SLC17A3: variants seen among roughly 807,000 people sequenced by gnomAD.
SLC17A3 encodes the protein solute carrier family 17 member 3.
In SLC17A3, 61 loss-of-function variants were observed where a neutral mutation model predicts 60.3. That is an observed-to-expected ratio of 1.01 (90% CI 0.82 to 1.25). SLC17A3 has a LOEUF of 1.25. Ranked by LOEUF, SLC17A3 falls within the 50% of genes most tolerant of loss-of-function variation. The probability of loss-of-function intolerance (pLI) is 0.00; values close to 1 mark genes in which losing one functional copy is unlikely to be tolerated. For missense variants in SLC17A3, 624 were observed against 594.9 expected, an observed-to-expected ratio of 1.05 and a Z score of -0.51; for synonymous variants, 192 against 208.9, an observed-to-expected ratio of 0.92 and a Z score of 0.70.
chr6:25,868,393 T>C lies in SLC17A3; in HGVS notation c.-6A>G, dbSNP rs1489760017. The stretch of plus-strand genomic sequence containing the variant: ...AACTCTGTCTTGGTGGCCATTGTGT[T>C]TCTCCTCTCCTAGTGAATGGTTTTC... On this transcript the variant is annotated 5_prime_UTR_variant, in exon 2 of 13. Coordinates refer to ENST00000397060, the MANE Select transcript of SLC17A3 (RefSeq NM_001098486.2). 6.2e-7 allele frequency: 1 copy of C among 1,610,752 alleles called. No individual in the cohort carries two copies.
chr6:25,853,669 C>T (rs1019554013), intron 6 of SLC17A3, among the ~76,000 whole-genome samples: 8 of 152,048 alleles, frequency 5.3e-5, no homozygotes, highest in East Asian at 1.9e-4. Flanking sequence ...CCGCCCACCT[C>T]GGCCTCCCAA....
intron 8 of SLC17A3, 101 bp from the exon 9 acceptor site, chr6:25,850,278 C>G: frequency 7.0e-7 from 1 of 1,428,510 alleles, no homozygotes; most frequent in Non-Finnish European, 9.7e-7. Flanking sequence ...TGAAATCATA[C>G]TTTCTTAGGA....
intron 11 of SLC17A3, among the ~76,000 whole-genome samples, chr6:25,847,915 A>T (rs1765205739): frequency 6.6e-6 from 1 of 152,010 alleles, no homozygotes; most frequent in Non-Finnish European, 1.5e-5. Context: ...CTTCCCCCTG[A>T]GTCCTCAAAG....
intron 5 of SLC17A3, among the ~76,000 whole-genome samples, chr6:25,859,008 G>C (rs540229132): frequency 6.6e-6 from 1 of 152,088 alleles, no homozygotes; most frequent in Non-Finnish European, 1.5e-5. Flanking sequence ...TGTGTTTGCT[G>C]TATTATATGA....
chr6:25,859,057 C>CTTATAAGACATTAGTCAAATA (rs1765405377), intron 5 of SLC17A3, among the ~76,000 whole-genome samples: 1 of 151,916 alleles, frequency 6.6e-6, no homozygotes, highest in Non-Finnish European at 1.5e-5. Context: ...ATAAATTCAC[C>CTTATAAGACATTAGTCAAATA]TTATAAGACA....
chr6:25,847,484 C>T (rs1765197547), intron 11 of SLC17A3, among the ~76,000 whole-genome samples: 1 of 152,142 alleles, frequency 6.6e-6, no homozygotes, highest in African/African-American at 2.4e-5. Context: ...TGAGGAATCA[C>T]CACACTGCTT....
At chr6:25,847,874 T>C (rs1279253214) in intron 11 of SLC17A3, among the ~76,000 whole-genome samples, 1 of 152,286 alleles carries the variant, frequency 6.6e-6, no homozygotes, top group Admixed American at 6.5e-5. Flanking sequence ...ACCGGATTTG[T>C]AGTCTTTTAA....
rs1332407681 is a variant in SLC17A3, at chr6:25,850,806, T to C, written c.784A>G (p.Ile262Val). 6.2e-7 allele frequency: 1 copy of C among 1,614,084 alleles called. No homozygotes were observed. The highest frequency in any genetic ancestry group is 8.5e-7 in the Non-Finnish European group (1 of 1,179,944). ...ATGTATTCTTTTTCTGAGGTGCTTA[T>C]CCATGGATAGGAAACGGGGTCATCA... ...IYDDPVSYPW[I>V]STSEKEYIIS... The change falls in exon 7 of 13, where the codon ATA becomes GTA. Residue 262 changes from isoleucine to valine, a missense_variant. Ile to Val is a conservative substitution (Grantham distance 29, BLOSUM62 3). Transcript: ENST00000397060.
intron 5 of SLC17A3, among the ~76,000 whole-genome samples, chr6:25,857,557 C>CAAAAAAAAAAA (rs577314037): frequency 8.8e-6 from 1 of 113,588 alleles, no homozygotes. Context: ...CACATAACGT[C>CAAAAAAAAAAA]AAAAAAAAAA....
Position 25,849,927 on chromosome 6 carries a change from A to C in SLC17A3, c.1149T>G (p.Ile383Met). The C allele has an allele frequency of 6.2e-7, 1 of 1,614,080 alleles. No individual in the cohort carries two copies. Reference protein sequence around the residue: ...ILGSLPSSALIVSLPYLNSGY... With the variant: ...ILGSLPSSALMVSLPYLNSGY... ...CGGAATTGAGGTAAGGCAGAGACAC[A>C]ATGAGTGCTGAAGAGGGGAGACTTC... is the stretch of plus-strand genomic sequence containing the variant. Residue 383 changes from isoleucine to methionine, a missense_variant, in exon 10 of 13, where the codon ATT (isoleucine) becomes ATG (methionine). Physicochemically the swap from Ile to Met is conservative, Grantham distance 10. Coordinates refer to ENST00000397060, the MANE Select transcript of SLC17A3 (RefSeq NM_001098486.2).
chr6:25,848,700 C>A (rs1765219334), intron 11 of SLC17A3, among the ~76,000 whole-genome samples: 1 of 152,164 alleles, frequency 6.6e-6, no homozygotes, highest in African/African-American at 2.4e-5. Context: ...GCAAGGATTT[C>A]ATGACCAAGA....
chr6:25,850,587 C>G lies in SLC17A3; in HGVS notation c.865G>C (p.Ala289Pro). Residue 289 changes from alanine (A) to proline (P), a missense_variant, in exon 8 of 13, where the codon GCT becomes CCT. Physicochemically the swap from Ala to Pro is conservative, Grantham distance 27 (BLOSUM62 -1). Coordinates refer to ENST00000397060, the MANE Select transcript of SLC17A3 (RefSeq NM_001098486.2). ...GSSKQPLPIK[A>P]MLRSLPIWSI... The stretch of plus-strand genomic sequence containing the variant: ...CAAATGGGTAGAGATCTGAGCATAG[C>G]TTTGATGGGAAGAGGCTGCTTAGAA... The G allele has an allele frequency of 6.2e-7, 1 of 1,613,984 alleles. No homozygotes were observed. The highest frequency in any genetic ancestry group is 1.6e-4 in the Middle Eastern group (1 of 6,062).
intron 2 of SLC17A3, among the ~76,000 whole-genome samples, chr6:25,867,152 A>T (rs2151527172): frequency 6.6e-6 from 1 of 152,086 alleles, no homozygotes; most frequent in Admixed American, 6.6e-5. Flanking sequence ...TGGTCTTCAT[A>T]TTCAAAATGT....
chr6:25,850,360 G>T lies in SLC17A3; in HGVS notation c.993+99C>A, dbSNP rs1197265835. 1.6e-5 allele frequency: 23 copies of T among 1,401,414 alleles called. No individual in the cohort carries two copies. The East Asian group carries it at 5.5e-4, about 33-fold the overall frequency. 86.8% of individuals were successfully genotyped at this position (1,401,414 alleles called of 1,614,324 possible). On this transcript the variant is annotated intron_variant, in intron 8 of 12. Transcript: ENST00000397060. ...AGTATTAAATATTAGATTATTTTTG[G>T]TAATAAGAAATACATTTCTCAGATG...
In SLC17A3 at chr6:25,845,532, C is replaced by A; in HGVS notation, c.1363-16G>T. 2.5e-6 allele frequency: 4 copies of A among 1,613,622 alleles called. No homozygotes were observed. The highest frequency in any genetic ancestry group is 3.4e-6 in the Non-Finnish European group (4 of 1,179,686). On this transcript the variant is annotated splice_polypyrimidine_tract_variant and intron_variant, in intron 11 of 12. Transcript: ENST00000397060. ...ACTCAGGGTCCTGGAGACACAAAACCCCAAGTATATATTACCCCTTTCATA... is the reference window on the plus strand; with the variant it reads ...ACTCAGGGTCCTGGAGACACAAAACACCAAGTATATATTACCCCTTTCATA...
chr6:25,864,309 T>C (rs1361142327), intron 2 of SLC17A3, among the ~76,000 whole-genome samples: 1 of 151,800 alleles, frequency 6.6e-6, no homozygotes, highest in Non-Finnish European at 1.5e-5. Flanking sequence ...ACTGGAGGGT[T>C]TTCAGCAGAA....
chr6:25,851,409 GA>G (rs1765274959), intron 6 of SLC17A3, among the ~76,000 whole-genome samples: 1 of 151,968 alleles, frequency 6.6e-6, no homozygotes, highest in Admixed American at 6.6e-5. Flanking sequence ...TAACTTTGAT[GA>G]AATCCAATTT....
intron 6 of SLC17A3, among the ~76,000 whole-genome samples, chr6:25,852,778 C>T (rs1364085749): frequency 6.6e-6 from 1 of 152,126 alleles, no homozygotes; most frequent in Non-Finnish European, 1.5e-5. Flanking sequence ...TCTAAAATCT[C>T]TGTCAGCTCT....
chr6:25,861,316 G>T (rs1765442386), intron 5 of SLC17A3, among the ~76,000 whole-genome samples: 1 of 152,078 alleles, frequency 6.6e-6, no homozygotes, highest in Non-Finnish European at 1.5e-5. Context: ...AAAAGCATGG[G>T]TGGAGTTTTT....
Sources: gnomAD v4.1 joint callset for allele counts (sites outside exome capture counted in the v4.1 genomes callset) on GRCh38, gnomAD v4.1.1 for gene constraint, MANE v1.5 for transcripts, NCBI Gene and HGNC (gene_info 2026-07-23, HGNC 2026-07-21) for gene names.